Variants in ZNF385D observed in about 807,000 individuals in gnomAD.
The protein encoded by ZNF385D is zinc finger protein 659.
Under a neutral mutation model 35.8 loss-of-function variants are expected in ZNF385D, and 15 were observed. That is an observed-to-expected ratio of 0.42 (90% CI 0.28 to 0.64). ZNF385D has a LOEUF of 0.64. Among genes scored for constraint, ZNF385D ranks in the 30% least tolerant of loss-of-function variants. The pLI, the probability that ZNF385D is intolerant of heterozygous loss-of-function variation, is 0.23. For missense variants in ZNF385D, 474 were observed against 494.6 expected, an observed-to-expected ratio of 0.96 and a Z score of 0.39; for synonymous variants, 212 against 186.8, an observed-to-expected ratio of 1.13 and a Z score of -1.10.
chr3:22,320,617 AC>A (rs1694365817), intron 2 of ZNF385D, among the ~76,000 whole-genome samples: 1 of 150,024 alleles, frequency 6.7e-6, no homozygotes, highest in African/African-American at 2.5e-5. Context: ...CTGATTACTT[AC>A]CTTGGCAACT....
At chr3:21,718,859 C>A (rs1337102210) in intron 1 of ZNF385D, among the ~76,000 whole-genome samples, 1 of 152,082 alleles carries the variant, frequency 6.6e-6, no homozygotes, top group Non-Finnish European at 1.5e-5. Flanking sequence ...TATTTGTCTC[C>A]AAATCAATTT....
intron 1 of ZNF385D, among the ~76,000 whole-genome samples, chr3:21,732,967 T>C (rs1258318557): frequency 1.3e-5 from 2 of 152,202 alleles, no homozygotes; most frequent in Admixed American, 6.5e-5. Flanking sequence ...CATCACCAAA[T>C]CCAAGGTCCT....
chr3:21,980,965 C>A (rs185540765), intron 3 of ZNF385D, among the ~76,000 whole-genome samples: 87 of 152,166 alleles, frequency 5.7e-4, no homozygotes, highest in Admixed American at 3.5e-3. Context: ...TCCAATCTGT[C>A]TTTAGTAGGC....
chr3:21,957,765 AT>A (rs1453679774), intron 3 of ZNF385D, among the ~76,000 whole-genome samples: 1 of 152,156 alleles, frequency 6.6e-6, no homozygotes, highest in East Asian at 1.9e-4. Context: ...GTGATAATGC[AT>A]TTAGTCTGCC....
intron 4 of ZNF385D, among the ~76,000 whole-genome samples, chr3:21,486,428 T>C (rs533359339): frequency 9.5e-4 from 144 of 152,250 alleles, no homozygotes; most frequent in African/African-American, 3.4e-3. Context: ...ATCAGTCATA[T>C]CACAGCCTCC....
At chr3:21,873,768 A>G (rs13314773) in intron 3 of ZNF385D, among the ~76,000 whole-genome samples, 4,135 of 152,196 alleles carry the variant, frequency 0.027, 202 homozygotes, top group African/African-American at 0.093. Context: ...TTCACTTAGC[A>G]TAACGTTTTC....
At chr3:22,213,387 G>T (rs781333118) in intron 2 of ZNF385D, among the ~76,000 whole-genome samples, 1 of 152,012 alleles carries the variant, frequency 6.6e-6, no homozygotes, top group Non-Finnish European at 1.5e-5. Flanking sequence ...TGACCATTGG[G>T]TTATAGTTTG....
At chr3:21,438,032 C>T (rs565498936) in intron 4 of ZNF385D, among the ~76,000 whole-genome samples, 1 of 152,064 alleles carries the variant, frequency 6.6e-6, no homozygotes, top group Admixed American at 6.6e-5. Flanking sequence ...ACTCTACAAC[C>T]CTTCTGGCTC....
chr3:22,033,411 T>TAAC (rs1698127653), intron 3 of ZNF385D, among the ~76,000 whole-genome samples: 1 of 126,532 alleles, frequency 7.9e-6, no homozygotes, highest in South Asian at 2.7e-4. Flanking sequence ...AAAATAATAA[T>TAAC]AATAATAATA....
chr3:21,541,160 T>G (rs2062165526), intron 3 of ZNF385D, among the ~76,000 whole-genome samples: 1 of 152,214 alleles, frequency 6.6e-6, no homozygotes, highest in Non-Finnish European at 1.5e-5. Flanking sequence ...AGCAACGTAA[T>G]CCAAATGCAG....
intron 4 of ZNF385D, among the ~76,000 whole-genome samples, chr3:21,444,993 G>T (rs991636622): frequency 6.6e-6 from 1 of 152,166 alleles, no homozygotes; most frequent in African/African-American, 2.4e-5. Flanking sequence ...GGGCAGGAAA[G>T]TTGGACCATG....
chr3:22,264,871 A>G (rs1180758411), intron 2 of ZNF385D, among the ~76,000 whole-genome samples: 1 of 151,928 alleles, frequency 6.6e-6, no homozygotes, highest in Non-Finnish European at 1.5e-5. Context: ...CTCTTAGTAT[A>G]AGACAAAGGA....
chr3:22,156,330 T>G (rs189475179), intron 3 of ZNF385D, among the ~76,000 whole-genome samples: 1 of 152,162 alleles, frequency 6.6e-6, no homozygotes, highest in African/African-American at 2.4e-5. Context: ...TAAAACTTGA[T>G]GGTCAGAATG....
intron 3 of ZNF385D, among the ~76,000 whole-genome samples, chr3:22,032,873 C>T (rs1486447069): frequency 6.6e-6 from 1 of 152,084 alleles, no homozygotes; most frequent in African/African-American, 2.4e-5. Context: ...CCATTATCAT[C>T]CTAATTAAGC....
At chr3:21,486,705 G>A (rs866344301) in intron 4 of ZNF385D, among the ~76,000 whole-genome samples, 6 of 152,150 alleles carry the variant, frequency 3.9e-5, no homozygotes, top group Middle Eastern at 3.4e-3. Context: ...CATCTAGTAC[G>A]ACCACAATCC....
At chr3:21,691,134 C>T (rs866168954) in intron 1 of ZNF385D, among the ~76,000 whole-genome samples, 6 of 152,204 alleles carry the variant, frequency 3.9e-5, no homozygotes, top group Middle Eastern at 6.8e-3. Context: ...CCTCAATTCC[C>T]TCAACTCTTT....
chr3:21,840,704 T>A (rs1489548767), intron 3 of ZNF385D, among the ~76,000 whole-genome samples: 1 of 152,082 alleles, frequency 6.6e-6, no homozygotes. Context: ...CATCCAGTTC[T>A]AATACTCTAC....
At chr3:21,969,035 G>A (rs1305750370) in intron 3 of ZNF385D, among the ~76,000 whole-genome samples, 3 of 152,246 alleles carry the variant, frequency 2.0e-5, no homozygotes, top group Admixed American at 1.3e-4. Context: ...ACAGCTGACT[G>A]AAGAGCCCTT....
intron 3 of ZNF385D, among the ~76,000 whole-genome samples, chr3:22,045,495 C>G (rs112237326): frequency 1.3e-5 from 2 of 152,058 alleles, no homozygotes; most frequent in Admixed American, 1.3e-4. Context: ...TAAGCTCCCA[C>G]TTCTCTTTTA....
Sources: allele counts gnomAD v4.1 joint callset (sites outside exome capture counted in the v4.1 genomes callset), GRCh38; gene constraint gnomAD v4.1.1; transcripts MANE v1.5; gene names NCBI Gene and HGNC (gene_info 2026-07-23, HGNC 2026-07-21).